UPF2: variants seen among roughly 807,000 people sequenced by gnomAD.
UPF2 encodes regulator of nonsense transcripts 2.
A neutral mutation model predicts 141.4 loss-of-function variants in UPF2; 17 were observed. That is an observed-to-expected ratio of 0.12 (90% CI 0.08 to 0.18). The LOEUF (loss-of-function observed/expected upper bound fraction) is 0.18, where lower values mean the gene tolerates loss of function less well. UPF2 is among the 10% of genes least tolerant of loss of function. The pLI is 1.00. For synonymous variants in UPF2, 540 were observed against 498.0 expected (o/e 1.08, Z -1.12); for missense variants, 1,152 against 1,515.9 (o/e 0.76, Z 3.99).
chr10:11,940,837 C>T lies in UPF2; in HGVS notation c.3378+1828G>A, dbSNP rs1016288284. On this transcript the variant is annotated intron_variant, in intron 18 of 21. Transcript: ENST00000357604. This position sits in a 1 kb window ranked among gnomAD's most constrained non-coding sequence, Gnocchi z 4.2. ...CCTCCCACACAGGATTGTGCCCCGC[C>T]CTCTATTAGTGCTGGCCGCCTTTTA... Among the ~76,000 whole-genome samples, 10 of 152,176 alleles carry T rather than the reference C, an allele frequency of 6.6e-5. No homozygotes were observed. Among genetic ancestry groups the T allele is most frequent in the Non-Finnish European group, 1.5e-4 (10 of 68,026 alleles).
intron 2 of UPF2, among the ~76,000 whole-genome samples, chr10:12,034,042 T>C (rs1353877741): frequency 1.3e-5 from 2 of 152,196 alleles, no homozygotes; most frequent in African/African-American, 4.8e-5. Context: ...TAATGAATAG[T>C]CAAAAGTTTT....
intron 18 of UPF2, among the ~76,000 whole-genome samples, chr10:11,938,151 T>C (rs921078277): frequency 3.3e-5 from 5 of 152,176 alleles, no homozygotes; most frequent in Admixed American, 2.6e-4. Flanking sequence ...AATATATACA[T>C]ATAGACACAA....
At chr10:11,991,871 C>T (rs893497143) in intron 8 of UPF2, among the ~76,000 whole-genome samples, 3 of 152,170 alleles carry the variant, frequency 2.0e-5, no homozygotes, top group Non-Finnish European at 4.4e-5. Flanking sequence ...TCAGGCCAGG[C>T]GCAGTGGCTC....
At chr10:11,949,891 T>C (rs1833051600) in intron 15 of UPF2, among the ~76,000 whole-genome samples, 1 of 152,132 alleles carries the variant, frequency 6.6e-6, no homozygotes, top group Admixed American at 6.6e-5. Flanking sequence ...AAAACTAGAA[T>C]CAACCTAAGA....
chr10:11,983,765 C>T (rs765107645), intron 8 of UPF2, among the ~76,000 whole-genome samples: 3 of 152,016 alleles, frequency 2.0e-5, no homozygotes, highest in Non-Finnish European at 2.9e-5. Flanking sequence ...TGAGATTGGT[C>T]AATGCTTGTG....
chr10:11,962,552 A>C (rs894308937), intron 11 of UPF2, among the ~76,000 whole-genome samples: 3 of 152,022 alleles, frequency 2.0e-5, no homozygotes, highest in Non-Finnish European at 4.4e-5. Flanking sequence ...ACCCCGATTC[A>C]TTTCTGCATT....
intron 19 of UPF2, among the ~76,000 whole-genome samples, chr10:11,933,225 C>T (rs909398593): frequency 1.3e-5 from 2 of 152,138 alleles, no homozygotes; most frequent in African/African-American, 4.8e-5. Flanking sequence ...AGACATTTCA[C>T]ATTTGTAGAA....
intron 3 of UPF2, among the ~76,000 whole-genome samples, chr10:12,022,410 CAA>C (rs112402179): frequency 4.0e-5 from 3 of 74,984 alleles, no homozygotes; most frequent in African/African-American, 4.2e-5. Flanking sequence ...GACTCCGTCT[CAA>C]AAAAAAAAAA....
chr10:12,020,123 A>C (rs1834291453), intron 3 of UPF2, among the ~76,000 whole-genome samples: 1 of 152,128 alleles, frequency 6.6e-6, no homozygotes, highest in African/African-American at 2.4e-5. Context: ...AAATTCATTA[A>C]TGCCTAAAAA....
intron 3 of UPF2, among the ~76,000 whole-genome samples, chr10:12,021,511 G>C (rs1465130924): frequency 6.6e-6 from 1 of 151,946 alleles, no homozygotes; most frequent in Non-Finnish European, 1.5e-5. Context: ...GACAGGGAAA[G>C]ACCCTGTCTC....
Position 11,929,925 on chromosome 10 carries a change from G to A in UPF2, c.3749C>T (p.Pro1250Leu). 1 of 1,614,224 alleles carries A rather than the reference G, an allele frequency of 6.2e-7. No individual in the cohort carries two copies. Among genetic ancestry groups the A allele is most frequent in the Non-Finnish European group, 8.5e-7 (1 of 1,180,046 alleles). ...APANTNRERR[P>L]RYQHPKGAPN... is the part of the protein sequence containing the mutation. ...TGCTCCCTTCGGATGTTGGTAGCGA[G>A]GCCGCCTCTCACGATTGGTGTTTGC... The change falls in exon 21 of 22, where the codon CCT becomes CTT. Residue 1250 changes from proline to leucine, a missense_variant. By Grantham distance (98) the Pro-to-Leu change is moderately conservative (BLOSUM62 -3). Around this residue, in one of 4 missense-constraint regions of UPF2, gnomAD observed 66 missense variants for 123.5 expected, o/e 0.53. Coordinates refer to ENST00000357604, the MANE Select transcript of UPF2 (RefSeq NM_015542.4).
rs142741142 is a variant in UPF2, at chr10:11,939,382, T to C, written c.3379-2670A>G. Among the ~76,000 whole-genome samples the C allele has an allele frequency of 1.6e-3, 242 of 152,328 alleles. 1 individual carries two copies. Among genetic ancestry groups the C allele is most frequent in the African/African-American group, 5.4e-3 (224 of 41,566 alleles). ...AACTTTATTTTTGTTTATTGTCTGT[T>C]TTCCCTTAACTGATTTGCAACGTTA... On this transcript the variant is annotated intron_variant, in intron 18 of 21. Transcript: ENST00000357604. This position sits in a 1 kb window ranked among gnomAD's most constrained non-coding sequence, Gnocchi z 4.8.
intron 9 of UPF2, among the ~76,000 whole-genome samples, chr10:11,974,917 T>C (rs1252362831): frequency 6.6e-6 from 1 of 152,198 alleles, no homozygotes. Context: ...TATTTGTTTT[T>C]GTATGGTTTA....
rs148101211 is a variant in UPF2 at position 12,006,669 on chromosome 10, A to G, written c.1307-1942T>C. ...ACAAAAGCAAAAAACAAACTGGAAG[A>G]CAATATTGACAATATTTAAAGAATA... On this transcript the variant is annotated intron_variant, in intron 4 of 21. Coordinates refer to ENST00000357604, the MANE Select transcript of UPF2 (RefSeq NM_015542.4). Among the ~76,000 whole-genome samples the G allele has an allele frequency of 3.3e-3, 508 of 152,358 alleles. 2 individuals are homozygous for G. Among genetic ancestry groups the G allele is most frequent in the African/African-American group, 0.012 (486 of 41,582 alleles).
rs1833574680 is a variant in UPF2, at chr10:11,980,520, C to T, written c.1845-1355G>A. The stretch of plus-strand genomic sequence containing the variant: ...CAGCACTTTGGGAGGCTGAGGCAGG[C>T]AGATCACCTGGAGACCAGCCTGGCC... On this transcript the variant is annotated intron_variant, in intron 8 of 21. Coordinates refer to ENST00000357604, the MANE Select transcript of UPF2 (RefSeq NM_015542.4). This position sits in a 1 kb window ranked among gnomAD's most constrained non-coding sequence, Gnocchi z 4.2. Among the ~76,000 whole-genome samples the T allele has an allele frequency of 6.6e-6, 1 of 151,468 alleles. No homozygotes were observed. The highest frequency in any genetic ancestry group is 2.4e-5 in the African/African-American group (1 of 41,332).
At chr10:11,981,172 T>A (rs965801533) in intron 8 of UPF2, among the ~76,000 whole-genome samples, 5 of 151,268 alleles carry the variant, frequency 3.3e-5, no homozygotes, top group South Asian at 2.1e-4. Context: ...CAAAAAGATT[T>A]AAAAAAAAAT....
At chr10:11,963,663 T>C (rs978600489) in intron 11 of UPF2, among the ~76,000 whole-genome samples, 14 of 152,350 alleles carry the variant, frequency 9.2e-5, no homozygotes, top group Middle Eastern at 6.8e-3. Context: ...ACATGAATAA[T>C]GGTTTGAGAT....
chr10:11,955,608 G>T, intron 13 of UPF2, 101 bp from the exon 14 acceptor site: 1 of 1,153,192 alleles, frequency 8.7e-7, no homozygotes, highest in Non-Finnish European at 1.2e-6. Context: ...ATTACTGAAA[G>T]AACACTGAAT....
Position 12,020,309 on chromosome 10 carries a change from T to C in UPF2, c.1146-6125A>G, listed in dbSNP as rs562188351. Among the ~76,000 whole-genome samples the C allele has an allele frequency of 9.9e-5, 15 of 152,124 alleles. No homozygotes were observed. The South Asian group carries it at 2.9e-3, about 30-fold the overall frequency. On this transcript the variant is annotated intron_variant, in intron 3 of 21. Transcript: ENST00000357604. ...CTCTGTCACCCAGGCTGGAGTGCAA[T>C]GGCGCAATCTCGGCTCACCGCAACC...
Sources: allele counts gnomAD v4.1 joint callset (sites outside exome capture counted in the v4.1 genomes callset), GRCh38; gene constraint gnomAD v4.1.1; regional missense constraint gnomAD v4.1.1; non-coding constraint Gnocchi (gnomAD v3.1); transcripts MANE v1.5; gene names NCBI Gene and HGNC (gene_info 2026-07-23, HGNC 2026-07-21).